The following AFF1 variants were observed in gnomAD, a reference collection of about 807,000 sequenced individuals.
The protein encoded by AFF1 is ALF transcription elongation factor 1.
A neutral mutation model predicts 121.7 loss-of-function variants in AFF1; 48 were observed. The ratio of observed to expected loss-of-function variants is 0.39; its 90% CI spans 0.31 to 0.50. The LOEUF (loss-of-function observed/expected upper bound fraction) is 0.50, where lower values mean the gene tolerates loss of function less well. Among genes scored for constraint, AFF1 ranks in the 20% least tolerant of loss-of-function variants. The pLI is 0.76. For synonymous variants in AFF1, 613 were observed against 563.0 expected, an observed-to-expected ratio of 1.09 and a Z score of -1.26; for missense variants, 1,523 against 1,511.7, an observed-to-expected ratio of 1.01 and a Z score of -0.12.
intron 1 of AFF1, chr4:86,935,591 C>T (rs1219117227): frequency 6.6e-6 from 1 of 152,058 alleles, no homozygotes. Flanking sequence ...TTGTTGGGAC[C>T]TGCTACTTGA....
chr4:87,021,336 C>T (rs908370077), intron 2 of AFF1, among the ~76,000 whole-genome samples: 4 of 152,210 alleles, frequency 2.6e-5, no homozygotes, highest in African/African-American at 9.6e-5. Context: ...AGTCACTCAC[C>T]AGACACCACT....
At chr4:87,091,982 A>T (rs904549741) in intron 7 of AFF1, among the ~76,000 whole-genome samples, 153 bp downstream of exon 7, 1 of 152,210 alleles carries the variant, frequency 6.6e-6, no homozygotes, top group African/African-American at 2.4e-5. Flanking sequence ...ACTATTCTTT[A>T]TGTGGGATTT....
Position 87,117,178 on chromosome 4 carries a change from G to A in AFF1, c.2466+1879G>A, listed in dbSNP as rs111794637. Among the ~76,000 whole-genome samples the A allele has an allele frequency of 4.8e-3, 734 of 152,290 alleles. 4 individuals are homozygous for A. The highest frequency in any genetic ancestry group is 6.0e-3 in the Non-Finnish European group (409 of 68,028). ...GAAGTGCAGCTTGTGGCTCTAGAAAGGGAAACTTTCAGCTCTCACTGTTGA... is the reference window on the plus strand; with the variant it reads ...GAAGTGCAGCTTGTGGCTCTAGAAAAGGAAACTTTCAGCTCTCACTGTTGA... On this transcript the variant is annotated intron_variant, in intron 12 of 20. Coordinates refer to ENST00000395146, the MANE Select transcript of AFF1 (RefSeq NM_001166693.3).
At chr4:86,964,695 A>G (rs971308626) in intron 2 of AFF1, among the ~76,000 whole-genome samples, 51 of 152,280 alleles carry the variant, frequency 3.3e-4, no homozygotes, top group African/African-American at 1.2e-3. Flanking sequence ...CAGCCTCCCA[A>G]AGTGCTGGGA....
intron 4 of AFF1, among the ~76,000 whole-genome samples, chr4:87,060,492 G>A (rs1195751101): frequency 2.6e-5 from 4 of 152,000 alleles, no homozygotes; most frequent in Admixed American, 1.3e-4. Flanking sequence ...AAATGGGTAG[G>A]GCATACACTC....
intron 2 of AFF1, among the ~76,000 whole-genome samples, chr4:87,034,668 G>A (rs1160509559): frequency 6.6e-6 from 1 of 152,216 alleles, no homozygotes; most frequent in African/African-American, 2.4e-5. Context: ...AATAAAACAT[G>A]TAACATTAAC....
chr4:87,067,852 C>T (rs1721523022), intron 4 of AFF1, among the ~76,000 whole-genome samples: 1 of 152,148 alleles, frequency 6.6e-6, no homozygotes, highest in African/African-American at 2.4e-5. Flanking sequence ...ATGCACAGAG[C>T]ATGGTTCAAT....
chr4:87,051,819 T>C (rs1417240717), intron 4 of AFF1, among the ~76,000 whole-genome samples: 1 of 152,144 alleles, frequency 6.6e-6, no homozygotes, highest in African/African-American at 2.4e-5. Flanking sequence ...TAGTAGGTTC[T>C]TGATGATACA....
intron 2 of AFF1, among the ~76,000 whole-genome samples, chr4:86,985,213 AT>A (rs1239373074): frequency 0.031 from 3,367 of 110,138 alleles, 95 homozygotes; most frequent in Middle Eastern, 0.082. Context: ...ATATATATAT[AT>A]AAAATTATAT....
chr4:86,951,375 CAAA>C (rs5860045), intron 2 of AFF1, among the ~76,000 whole-genome samples: 1 of 147,684 alleles, frequency 6.8e-6, no homozygotes, highest in Admixed American at 6.8e-5. Flanking sequence ...CTTGATGTCA[CAAA>C]AAAAAAAAAT....
chr4:87,102,718 T>C (rs342456), intron 8 of AFF1, among the ~76,000 whole-genome samples: 87,228 of 152,048 alleles, frequency 0.57, 25,343 homozygotes, highest in Middle Eastern at 0.69. Flanking sequence ...TAAAAAAAAA[T>C]TTATAGGTGA....
At chr4:87,087,352 C>T (rs1276179163) in intron 5 of AFF1, among the ~76,000 whole-genome samples, 1 of 152,072 alleles carries the variant, frequency 6.6e-6, no homozygotes, top group Non-Finnish European at 1.5e-5. Flanking sequence ...ATGCAACAGG[C>T]CAGTAAACAG....
intron 1 of AFF1, among the ~76,000 whole-genome samples, chr4:86,941,943 C>T (rs894444184): frequency 2.0e-5 from 3 of 151,102 alleles, no homozygotes; most frequent in Admixed American, 6.6e-5. Context: ...TCCAATCCTC[C>T]GTTTTTTTTT....
intron 19 of AFF1, among the ~76,000 whole-genome samples, chr4:87,134,264 T>G (rs1729104722): frequency 6.6e-6 from 1 of 152,240 alleles, no homozygotes; most frequent in South Asian, 2.1e-4. Context: ...ACTATGCGAA[T>G]GGCATGGGAA....
chr4:87,038,130 T>C (rs1729752780), intron 2 of AFF1, among the ~76,000 whole-genome samples: 1 of 152,252 alleles, frequency 6.6e-6, no homozygotes, highest in East Asian at 1.9e-4. Flanking sequence ...TTGGCTGATA[T>C]TTTTAATATG....
chr4:86,985,549 G>A (rs1180638198), intron 2 of AFF1, among the ~76,000 whole-genome samples: 1 of 151,046 alleles, frequency 6.6e-6, no homozygotes, highest in Non-Finnish European at 1.5e-5. Flanking sequence ...GGTGGCAGGT[G>A]CCTGTAATCT....
At chr4:87,134,941 C>G (rs957959945) in intron 20 of AFF1, among the ~76,000 whole-genome samples, 2 of 152,174 alleles carry the variant, frequency 1.3e-5, no homozygotes, top group African/African-American at 4.8e-5. Context: ...TAGCGCCTTG[C>G]CCCTTCTGAA....
rs575646043 is a variant in AFF1 at position 87,136,520 on chromosome 4, C to A, written c.*819C>A. The A allele has an allele frequency of 1.7e-5, 4 of 232,550 alleles. No homozygotes were observed. Among genetic ancestry groups the A allele is most frequent in the Non-Finnish European group, 2.5e-5 (3 of 117,776 alleles). 14.4% of individuals were successfully genotyped at this position (232,550 alleles called of 1,614,324 possible). On this transcript the variant is annotated 3_prime_UTR_variant, in exon 21 of 21. Transcript: ENST00000395146. ...TTTCCTACCCCTGCCATTTCCCACCCCTGCTTCAGCGAAAGGGACTCTCTA... is the reference window on the plus strand; with the variant it reads ...TTTCCTACCCCTGCCATTTCCCACCACTGCTTCAGCGAAAGGGACTCTCTA...
intron 2 of AFF1, chr4:87,007,180 C>T: frequency 7.3e-7 from 1 of 1,369,022 alleles, no homozygotes. Context: ...CCGCAGAGGC[C>T]CCAGTGCCCG....
Sources: gnomAD v4.1 joint callset for allele counts (sites outside exome capture counted in the v4.1 genomes callset) on GRCh38, gnomAD v4.1.1 for gene constraint, MANE v1.5 for transcripts, NCBI Gene and HGNC (gene_info 2026-07-23, HGNC 2026-07-21) for gene names.